RAB5C: variants seen among roughly 807,000 people sequenced by gnomAD.
RAB5C encodes the protein RAB5C, member RAS oncogene family, also known as ras-related protein Rab-5C.
RAB5C carries 4 observed loss-of-function variants against 25.2 expected under a neutral mutation model. That is an observed-to-expected ratio of 0.16 (90% confidence interval 0.08 to 0.36). The LOEUF (loss-of-function observed/expected upper bound fraction) is 0.36. Ranked by LOEUF, RAB5C falls within the 10% of genes least tolerant of loss-of-function variation. RAB5C has a pLI of 1.00. For synonymous variants in RAB5C, 100 were observed against 106.4 expected (o/e 0.94, Z 0.37); for missense variants, 199 against 283.8 (o/e 0.70, Z 2.15).
chr17:42,128,040 G>C (rs1035812947), intron 4 of RAB5C, among the ~76,000 whole-genome samples: 11 of 151,902 alleles, frequency 7.2e-5, no homozygotes, highest in African/African-American at 9.7e-5. Flanking sequence ...GGCTGGTCTC[G>C]AACTCCTGGC....
At chr17:42,127,556 T>A (rs2054439411) in intron 4 of RAB5C, among the ~76,000 whole-genome samples, 1 of 151,696 alleles carries the variant, frequency 6.6e-6, no homozygotes, top group Admixed American at 6.6e-5. Flanking sequence ...TCTTTTTTTT[T>A]TTTTTGAGAC....
At position 42,128,775 on chromosome 17, in the gene RAB5C, G is replaced by A. The variant is rs2054455301; in HGVS notation, c.192C>T (p.Cys64=). ...CAAACTTGACTGTTGTGTCATCCAG[G>A]CAGACAGTCTGTGTGAGGAAGGCCG... is the stretch of plus-strand genomic sequence containing the variant. ...IGAAFLTQTV[C]LDDTTVKFEI... Residue 64 remains cysteine, a synonymous_variant, in exon 3 of 6, where the codon TGC becomes TGT. Transcript: ENST00000346213. The A allele has an allele frequency of 6.4e-7, 1 of 1,560,918 alleles. No homozygotes were observed. The highest frequency in any genetic ancestry group is 2.0e-5 in the Admixed American group (1 of 50,534).
At chr17:42,139,801 C>A (rs185854755) in intron 1 of RAB5C, among the ~76,000 whole-genome samples, 97 of 152,266 alleles carry the variant, frequency 6.4e-4, no homozygotes, top group East Asian at 3.9e-4. Flanking sequence ...ACCACACACA[C>A]GTCCCAGCCA....
intron 1 of RAB5C, among the ~76,000 whole-genome samples, chr17:42,143,820 C>T (rs1404079625): frequency 6.6e-6 from 1 of 152,172 alleles, no homozygotes; most frequent in African/African-American, 2.4e-5. Flanking sequence ...AAGTCTCACT[C>T]TGTTGCCCAG....
rs2054410243 is a variant in RAB5C at position 42,125,534 on chromosome 17, G to T, written c.*249C>A. On this transcript the variant is annotated 3_prime_UTR_variant, in exon 6 of 6. Coordinates refer to ENST00000346213, the MANE Select transcript of RAB5C (RefSeq NM_004583.4). ...GAGCAGTAGAAAGGGGAGGAAGTGGGAAGAGCAGAAGATCATATATATTAA... is the reference window on the plus strand; with the variant it reads ...GAGCAGTAGAAAGGGGAGGAAGTGGTAAGAGCAGAAGATCATATATATTAA... 6.8e-6 allele frequency: 3 copies of T among 440,940 alleles called. No homozygotes were observed. Among genetic ancestry groups the T allele is most frequent in the Admixed American group, 3.9e-5 (1 of 25,942 alleles). The allele number at this position is 440,940 out of a possible 1,614,324, so 27.3% of individuals were successfully genotyped here. A position where few individuals can be genotyped will look rare whatever the true frequency, so the allele number is the denominator to read the frequency against.
chr17:42,153,229 A>G (rs1424102582), intron 1 of RAB5C, among the ~76,000 whole-genome samples: 1 of 152,178 alleles, frequency 6.6e-6, no homozygotes, highest in African/African-American at 2.4e-5. Flanking sequence ...CAGCCCGGCC[A>G]ACATGGCGAA....
intron 1 of RAB5C, among the ~76,000 whole-genome samples, chr17:42,149,536 C>T (rs983279449): frequency 6.6e-6 from 1 of 152,062 alleles, no homozygotes; most frequent in Non-Finnish European, 1.5e-5. Flanking sequence ...AAGCCATGAT[C>T]GTCCCACTGC....
chr17:42,130,546 C>A lies in RAB5C; in HGVS notation c.-44G>T, dbSNP rs774625517. On this transcript the variant is annotated 5_prime_UTR_variant, in exon 2 of 6. Transcript: ENST00000346213. ...GGTCCAGAGAGCGTGCGGGTGGGGACTGGTGCTATGCAAAGAGGCACTTAG... is the reference window on the plus strand; with the variant it reads ...GGTCCAGAGAGCGTGCGGGTGGGGAATGGTGCTATGCAAAGAGGCACTTAG... 2.5e-5 allele frequency: 40 copies of A among 1,609,680 alleles called. No individual in the cohort carries two copies. The highest frequency in any genetic ancestry group is 3.3e-5 in the Non-Finnish European group (39 of 1,178,306).
At chr17:42,153,537 G>C (rs2144106807) in intron 1 of RAB5C, among the ~76,000 whole-genome samples, 1 of 152,300 alleles carries the variant, frequency 6.6e-6, no homozygotes, top group African/African-American at 2.4e-5. Context: ...AAAAAACACA[G>C]CACTTTTAAG....
intron 1 of RAB5C, among the ~76,000 whole-genome samples, chr17:42,148,086 A>C (rs2079648049): frequency 6.6e-6 from 1 of 151,806 alleles, no homozygotes; most frequent in Non-Finnish European, 1.5e-5. Context: ...CAACAAGAGC[A>C]AAACTCTGTC....
chr17:42,145,387 C>T (rs2079629691), intron 1 of RAB5C, among the ~76,000 whole-genome samples: 1 of 152,128 alleles, frequency 6.6e-6, no homozygotes, highest in South Asian at 2.1e-4. Flanking sequence ...TGGTTGACAT[C>T]AGTCATGGAA....
intron 1 of RAB5C, among the ~76,000 whole-genome samples, chr17:42,144,925 C>CAAA (rs544870361): frequency 6.4e-5 from 2 of 31,102 alleles, no homozygotes; most frequent in Admixed American, 5.0e-4. Flanking sequence ...GACTCCGTCT[C>CAAA]AAAAAAAAAA....
intron 1 of RAB5C, among the ~76,000 whole-genome samples, chr17:42,133,266 T>C (rs1027843523): frequency 1.4e-4 from 21 of 151,662 alleles, no homozygotes; most frequent in African/African-American, 5.1e-4. Context: ...GAGGAGGAGG[T>C]ATGAATGGAC....
chr17:42,153,209 A>G (rs1430891649), intron 1 of RAB5C, among the ~76,000 whole-genome samples: 1 of 152,188 alleles, frequency 6.6e-6, no homozygotes, highest in Non-Finnish European at 1.5e-5. Context: ...TGAAGTCAGG[A>G]GTTCGAGACC....
chr17:42,144,166 G>C (rs1336704454), intron 1 of RAB5C, among the ~76,000 whole-genome samples: 2 of 152,254 alleles, frequency 1.3e-5, no homozygotes, highest in East Asian at 3.9e-4. Context: ...AAATAAATGG[G>C]GGAGAATAGG....
intron 1 of RAB5C, among the ~76,000 whole-genome samples, chr17:42,153,226 G>A (rs931658406): frequency 6.6e-6 from 1 of 152,130 alleles, no homozygotes; most frequent in Non-Finnish European, 1.5e-5. Flanking sequence ...GACCAGCCCG[G>A]CCAACATGGC....
intron 1 of RAB5C, among the ~76,000 whole-genome samples, chr17:42,143,439 C>T (rs1309632578): frequency 6.6e-6 from 1 of 152,140 alleles, no homozygotes; most frequent in African/African-American, 2.4e-5. Context: ...GAGTTCAAAA[C>T]CAGCCTGGCC....
At chr17:42,152,497 G>A (rs1331938740) in intron 1 of RAB5C, among the ~76,000 whole-genome samples, 2 of 152,182 alleles carry the variant, frequency 1.3e-5, no homozygotes, top group Non-Finnish European at 2.9e-5. Context: ...AGTCGTTTCA[G>A]GTTGGGTGCA....
In RAB5C at chr17:42,128,395, G is replaced by A; in HGVS notation, c.319-12C>T. The stretch of plus-strand genomic sequence containing the variant: ...CGTGCAAATGTATCCTGAGGAGACA[G>A]GGACAGAATGTCGAAGGGACAGAGA... On this transcript the variant is annotated splice_polypyrimidine_tract_variant and intron_variant, in intron 3 of 5. Coordinates refer to ENST00000346213, the MANE Select transcript of RAB5C (RefSeq NM_004583.4). 1.9e-6 allele frequency: 3 copies of A among 1,609,434 alleles called. No individual in the cohort carries two copies. The highest frequency in any genetic ancestry group is 2.5e-6 in the Non-Finnish European group (3 of 1,177,052).
Sources: allele counts gnomAD v4.1 joint callset (sites outside exome capture counted in the v4.1 genomes callset), GRCh38; gene constraint gnomAD v4.1.1; transcripts MANE v1.5; gene names NCBI Gene and HGNC (gene_info 2026-07-23, HGNC 2026-07-21).